The following NMBR variants were observed in gnomAD, a reference collection of about 807,000 sequenced individuals.
NMBR encodes neuromedin B receptor, also known as neuromedin-B receptor.
NMBR carries 16 observed loss-of-function variants against 20.5 expected under a neutral mutation model. The ratio of observed to expected loss-of-function variants is 0.78; its 90% CI spans 0.53 to 1.19. The LOEUF (loss-of-function observed/expected upper bound fraction) is 1.19, where lower values mean the gene tolerates loss of function less well. Ranked by LOEUF, NMBR falls within the 50% of genes most tolerant of loss-of-function variation. The pLI is 0.00. For synonymous variants in NMBR, 212 were observed against 196.6 expected, an observed-to-expected ratio of 1.08 and a Z score of -0.65; for missense variants, 582 against 499.1, an observed-to-expected ratio of 1.17 and a Z score of -1.58.
At chr6:142,120,219 T>C (rs557027441) in intron 1 of NMBR, among the ~76,000 whole-genome samples, 1 of 151,954 alleles carries the variant, frequency 6.6e-6, no homozygotes, top group South Asian at 2.1e-4. Context: ...ACAATCATTA[T>C]AAAAGATGAG....
intron 1 of NMBR, among the ~76,000 whole-genome samples, chr6:142,093,971 A>T (rs1777389964): frequency 7.3e-6 from 1 of 137,154 alleles, no homozygotes. Context: ...GTGTCTGTTC[A>T]TATCCTTCGC....
At chr6:142,076,469 C>G (rs1245308935) in intron 3 of NMBR, among the ~76,000 whole-genome samples, 3 of 152,114 alleles carry the variant, frequency 2.0e-5, no homozygotes, top group East Asian at 3.8e-4. Context: ...AAAAACTGAT[C>G]TGATGAAGCA....
At chr6:142,081,428 C>G (rs1053226541) in intron 2 of NMBR, among the ~76,000 whole-genome samples, 5 of 152,104 alleles carry the variant, frequency 3.3e-5, no homozygotes, top group African/African-American at 1.2e-4. Context: ...AAGCAAGAAA[C>G]CTAGCAGAAA....
intron 1 of NMBR, among the ~76,000 whole-genome samples, chr6:142,091,486 A>G (rs943843903): frequency 6.6e-6 from 1 of 152,156 alleles, no homozygotes; most frequent in Non-Finnish European, 1.5e-5. Flanking sequence ...CAGCCTCCCA[A>G]ATGTCTATAA....
At chr6:142,146,409 A>C (rs1778436646) in intron 1 of NMBR, among the ~76,000 whole-genome samples, 1 of 152,208 alleles carries the variant, frequency 6.6e-6, no homozygotes, top group Non-Finnish European at 1.5e-5. Context: ...GAAGTAAATA[A>C]AGTGTACAGT....
intron 1 of NMBR, among the ~76,000 whole-genome samples, chr6:142,139,027 T>C (rs1778319832): frequency 6.6e-6 from 1 of 152,216 alleles, no homozygotes; most frequent in Non-Finnish European, 1.5e-5. Flanking sequence ...TTGGAAATAC[T>C]ATCCTTTCAC....
At chr6:142,136,277 G>C (rs1384985256) in intron 1 of NMBR, among the ~76,000 whole-genome samples, 1 of 152,092 alleles carries the variant, frequency 6.6e-6, no homozygotes, top group East Asian at 1.9e-4. Flanking sequence ...AGTGTCTTTT[G>C]GCTGCATAAA....
At chr6:142,106,231 T>C (rs1201318681) in intron 1 of NMBR, among the ~76,000 whole-genome samples, 3 of 151,922 alleles carry the variant, frequency 2.0e-5, no homozygotes, top group African/African-American at 7.3e-5. Context: ...ATCTAACTCT[T>C]CCCAAAATAG....
intron 1 of NMBR, among the ~76,000 whole-genome samples, chr6:142,122,067 T>C (rs998793560): frequency 1.3e-5 from 2 of 151,996 alleles, no homozygotes; most frequent in Admixed American, 6.6e-5. Context: ...AGCATAAAGT[T>C]TGAAATGGTT....
At position 142,088,694 on chromosome 6, in the gene NMBR, C is replaced by T. The variant is rs532978158; in HGVS notation, c.-36G>A. 37 of 1,565,820 alleles carry T rather than the reference C, an allele frequency of 2.4e-5. No individual in the cohort carries two copies. In the East Asian group the frequency reaches 7.5e-4, roughly 32 times the overall value. Reference sequence around the variant, plus strand: ...CCAGCAGAGTCCGCTGGAGTTTTCACGCGCTCCGGTGCCCTGAGGACTGAA... The same window carrying T: ...CCAGCAGAGTCCGCTGGAGTTTTCATGCGCTCCGGTGCCCTGAGGACTGAA... On this transcript the variant is annotated 5_prime_UTR_variant, in exon 2 of 4. The change creates a new upstream start codon in the 5' untranslated region. Coordinates refer to ENST00000258042, the MANE Select transcript of NMBR (RefSeq NM_002511.4).
chr6:142,113,425 G>T (rs1477560724), intron 1 of NMBR, among the ~76,000 whole-genome samples: 1 of 152,120 alleles, frequency 6.6e-6, no homozygotes. Flanking sequence ...ATGTGGTTAA[G>T]TATCAAGTTT....
rs746665784 is a variant in NMBR, at chr6:142,094,594, A to C, written c.-663-5273T>G. ...TGAAGTCAGGTAAGGTGATGCCTGC[A>C]GCTTTGTTCTTTTGGCTTAGGATTG... is the stretch of plus-strand genomic sequence containing the variant. On this transcript the variant is annotated intron_variant, in intron 1 of 3. Transcript: ENST00000258042. Among the ~76,000 whole-genome samples the C allele has an allele frequency of 2.2e-3, 338 of 152,260 alleles. 1 individual carries two copies. The highest frequency in any genetic ancestry group is 4.1e-3 in the Admixed American group (63 of 15,280).
At chr6:142,143,535 CGG>C (rs1778388158) in intron 1 of NMBR, among the ~76,000 whole-genome samples, 1 of 152,204 alleles carries the variant, frequency 6.6e-6, no homozygotes, top group African/African-American at 2.4e-5. Context: ...CCACTCTCCT[CGG>C]CTTCCCAAAG....
In NMBR at chr6:142,078,944, G is replaced by A. The variant is rs752319169; in HGVS notation, c.423-41C>T. 3.0e-5 allele frequency: 37 copies of A among 1,236,652 alleles called. No homozygotes were observed. The South Asian group carries it at 4.5e-4, about 15-fold the overall frequency. 76.6% of individuals were successfully genotyped at this position (1,236,652 alleles called of 1,614,324 possible). On this transcript the variant is annotated intron_variant, in intron 2 of 3. Transcript: ENST00000258042. ...ATCTCAAGTTATTCCAGAAAGAAAG[G>A]AAAGAAAAAAGAGAAAGAAAAGAAA... is the stretch of plus-strand genomic sequence containing the variant.
At chr6:142,119,413 T>C (rs1050073635) in intron 1 of NMBR, among the ~76,000 whole-genome samples, 2 of 151,892 alleles carry the variant, frequency 1.3e-5, no homozygotes, top group Non-Finnish European at 2.9e-5. Context: ...CAGGAGCTGG[T>C]CCAACCAGTT....
chr6:142,130,608 G>C (rs1408141289), intron 1 of NMBR, among the ~76,000 whole-genome samples: 2 of 152,124 alleles, frequency 1.3e-5, no homozygotes, highest in Non-Finnish European at 2.9e-5. Context: ...GAAAGCCAAA[G>C]AGTGATTAAG....
intron 1 of NMBR, among the ~76,000 whole-genome samples, chr6:142,091,932 A>C (rs1283025599): frequency 6.6e-6 from 1 of 152,174 alleles, no homozygotes; most frequent in Non-Finnish European, 1.5e-5. Context: ...GAATATGAAG[A>C]ATTTGAAATT....
rs762132278 is a variant in NMBR at position 142,078,554 on chromosome 6, C to T, written c.771+1G>A. ...CACCAACCCACGCCTACTAAGCTTA[C>T]CTGTTTTTTGGTATGTTCATTGTAT... On this transcript the variant is annotated splice_donor_variant, in intron 3 of 3. Coordinates refer to ENST00000258042, the MANE Select transcript of NMBR (RefSeq NM_002511.4). LOFTEE classifies it high-confidence loss of function. 6.4e-7 allele frequency: 1 copy of T among 1,560,780 alleles called. No homozygotes were observed. The highest frequency in any genetic ancestry group is 8.7e-7 in the Non-Finnish European group (1 of 1,145,848).
intron 1 of NMBR, among the ~76,000 whole-genome samples, chr6:142,105,380 C>T (rs1416162462): frequency 2.6e-5 from 4 of 152,080 alleles, no homozygotes; most frequent in Non-Finnish European, 5.9e-5. Context: ...AAAGAGAAAA[C>T]CAAATTCTAG....
Sources: gnomAD v4.1 joint callset for allele counts (sites outside exome capture counted in the v4.1 genomes callset) on GRCh38, gnomAD v4.1.1 for gene constraint, MANE v1.5 for transcripts, NCBI Gene and HGNC (gene_info 2026-07-23, HGNC 2026-07-21) for gene names.